Variants in PTPRK observed in about 807,000 individuals in gnomAD.
PTPRK encodes protein tyrosine phosphatase receptor type K.
PTPRK carries 75 observed loss-of-function variants against 178.0 expected under a neutral mutation model. That is an observed-to-expected ratio of 0.42 (90% CI 0.35 to 0.51). The LOEUF (loss-of-function observed/expected upper bound fraction) is 0.51. PTPRK is among the 20% of genes least tolerant of loss of function. PTPRK has a pLI of 0.02. For synonymous variants in PTPRK, 637 were observed against 620.6 expected, an observed-to-expected ratio of 1.03 and a Z score of -0.39; for missense variants, 1,441 against 1,797.8, an observed-to-expected ratio of 0.80 and a Z score of 3.59.
chr6:128,171,092 A>G (rs1800179993), intron 7 of PTPRK, among the ~76,000 whole-genome samples: 1 of 152,012 alleles, frequency 6.6e-6, no homozygotes, highest in South Asian at 2.1e-4. Context: ...GATGAATCTA[A>G]ACTCAGGGAA....
At chr6:128,140,438 T>C (rs1795614742) in intron 7 of PTPRK, among the ~76,000 whole-genome samples, 1 of 152,050 alleles carries the variant, frequency 6.6e-6, no homozygotes, top group South Asian at 2.1e-4. Context: ...CAGGAGCTTG[T>C]CTACAACACC....
intron 3 of PTPRK, among the ~76,000 whole-genome samples, chr6:128,279,201 T>A (rs1340207145): frequency 1.1e-5 from 1 of 88,360 alleles, no homozygotes; most frequent in South Asian, 6.8e-4. Context: ...AAATTTCTAC[T>A]GAGGTTAAAT....
At chr6:128,015,633 C>G (rs144380818) in intron 13 of PTPRK, among the ~76,000 whole-genome samples, 3 of 151,824 alleles carry the variant, frequency 2.0e-5, no homozygotes, top group African/African-American at 7.2e-5. Context: ...ATGACACATA[C>G]GGCCTTTCAC....
chr6:128,235,512 T>C (rs1813084109), intron 5 of PTPRK: 2 of 446,272 alleles, frequency 4.5e-6, no homozygotes, highest in Admixed American at 2.5e-5. Context: ...TTCCGTATCA[T>C]TGAACGTTCC....
chr6:128,000,376 C>A (rs1424202882), intron 15 of PTPRK: 2 of 1,190,390 alleles, frequency 1.7e-6, no homozygotes, highest in Non-Finnish European at 2.1e-6. Context: ...GATTTGTGTG[C>A]CTCTGTAATT....
In PTPRK at chr6:128,064,764, T is replaced by C; in HGVS notation, c.2188A>G (p.Thr730Ala). Residue 730 changes from threonine to alanine, a missense_variant, in exon 13 of 30, where the codon ACA becomes GCA. Around this residue, in one of 4 missense-constraint regions of PTPRK, gnomAD observed 945 missense variants for 1,080.6 expected, o/e 0.87. Coordinates refer to ENST00000368226, the MANE Select transcript of PTPRK (RefSeq NM_002844.4). ...ETKTQCVRIA[T>A]KAAATEEPEV... Reference sequence around the variant, plus strand: ...AAAAAAGCAAACCTCTTACCTTTTGTAGCAATGCGTACGCACTGGGTTTTA... The same window carrying C: ...AAAAAAGCAAACCTCTTACCTTTTGCAGCAATGCGTACGCACTGGGTTTTA... 2 of 1,588,620 alleles carry C rather than the reference T, an allele frequency of 1.3e-6. No individual in the cohort carries two copies. The highest frequency in any genetic ancestry group is 1.7e-6 in the Non-Finnish European group (2 of 1,173,122).
At chr6:128,063,634 T>C (rs571116310) in intron 13 of PTPRK, 1 of 152,374 alleles carries the variant, frequency 6.6e-6, no homozygotes, top group East Asian at 1.9e-4. Context: ...AAAATCCTTA[T>C]ACATCGTATG....
chr6:128,404,740 A>AGATGAAAAGAGGTTTTGAAAATGTAAAAG, intron 1 of PTPRK, among the ~76,000 whole-genome samples: 1 of 152,370 alleles, frequency 6.6e-6, no homozygotes. Context: ...ATGATTTCAC[A>AGATGAAAAGAGGTTTTGAAAATGTAAAAG]GATGAAAAGA....
chr6:128,486,894 A>C (rs1853011610), intron 1 of PTPRK, among the ~76,000 whole-genome samples: 1 of 152,012 alleles, frequency 6.6e-6, no homozygotes, highest in African/African-American at 2.4e-5. Flanking sequence ...TGAACACAGA[A>C]AAAATATTTA....
intron 6 of PTPRK, among the ~76,000 whole-genome samples, chr6:128,190,977 C>T (rs1329235745): frequency 2.0e-5 from 3 of 152,076 alleles, no homozygotes; most frequent in Admixed American, 6.6e-5. Flanking sequence ...TATGAAAATT[C>T]GATTGGTGTC....
intron 7 of PTPRK, among the ~76,000 whole-genome samples, chr6:128,152,249 A>C (rs1235765924): frequency 2.6e-5 from 4 of 152,042 alleles, no homozygotes; most frequent in African/African-American, 9.7e-5. Context: ...AGATGTTTTA[A>C]AGAATGGGAC....
intron 29 of PTPRK, among the ~76,000 whole-genome samples, chr6:127,972,185 C>T (rs1011297500): frequency 6.6e-6 from 1 of 152,148 alleles, no homozygotes; most frequent in Non-Finnish European, 1.5e-5. Flanking sequence ...TGGTGAAATA[C>T]TTTAAAGGTT....
chr6:127,997,578 C>T (rs1777303397), intron 16 of PTPRK, among the ~76,000 whole-genome samples: 1 of 152,014 alleles, frequency 6.6e-6, no homozygotes, highest in African/African-American at 2.4e-5. Flanking sequence ...CTATATGCAG[C>T]AATTTAAAAC....
intron 13 of PTPRK, among the ~76,000 whole-genome samples, chr6:128,059,044 T>TTACCACAC (rs1780379948): frequency 6.6e-6 from 1 of 152,110 alleles, no homozygotes; most frequent in South Asian, 2.1e-4. Context: ...TCTTGTGCTA[T>TTACCACAC]TACCACACTG....
intron 7 of PTPRK, among the ~76,000 whole-genome samples, chr6:128,159,121 A>G (rs1798334484): frequency 6.6e-6 from 1 of 151,822 alleles, no homozygotes; most frequent in Admixed American, 6.6e-5. Flanking sequence ...TGCCTCTTTT[A>G]TATCTGAAGG....
At chr6:128,352,303 C>A (rs1170325055) in intron 2 of PTPRK, among the ~76,000 whole-genome samples, 1 of 148,386 alleles carries the variant, frequency 6.7e-6, no homozygotes, top group Non-Finnish European at 1.5e-5. Context: ...TCACAGAAAC[C>A]CTAAAACAAA....
At chr6:128,075,455 T>C (rs546246371) in intron 11 of PTPRK, among the ~76,000 whole-genome samples, 32 of 152,140 alleles carry the variant, frequency 2.1e-4, no homozygotes, top group Middle Eastern at 3.4e-3. Context: ...TATCTGCAAT[T>C]CGTAAATGCA....
chr6:128,515,108 C>T (rs1167013532), intron 1 of PTPRK, among the ~76,000 whole-genome samples: 1 of 152,066 alleles, frequency 6.6e-6, no homozygotes, highest in African/African-American at 2.4e-5. Context: ...TTTCAGTTTT[C>T]CAAGGCATAG....
intron 7 of PTPRK, among the ~76,000 whole-genome samples, chr6:128,155,902 G>A (rs1317692296): frequency 1.3e-5 from 2 of 151,852 alleles, no homozygotes; most frequent in Non-Finnish European, 2.9e-5. Flanking sequence ...ATTAAAAAGT[G>A]CAAGATCAGT....
Sources: allele counts gnomAD v4.1 joint callset (sites outside exome capture counted in the v4.1 genomes callset), GRCh38; gene constraint gnomAD v4.1.1; regional missense constraint gnomAD v4.1.1; transcripts MANE v1.5; gene names NCBI Gene and HGNC (gene_info 2026-07-23, HGNC 2026-07-21).